The following DPP10 variants were observed in gnomAD, a reference collection of about 807,000 sequenced individuals.
DPP10 encodes the protein inactive dipeptidyl peptidase 10.
DPP10 carries 33 observed loss-of-function variants against 120.9 expected under a neutral mutation model. That is an observed-to-expected ratio of 0.27 (90% CI 0.21 to 0.37). The LOEUF (loss-of-function observed/expected upper bound fraction) is 0.37, where lower values mean the gene tolerates loss of function less well. Ranked by LOEUF, DPP10 falls within the 10% of genes least tolerant of loss-of-function variation. DPP10 has a pLI of 1.00. For synonymous variants in DPP10, 337 were observed against 326.1 expected (o/e 1.03, Z -0.36); for missense variants, 816 against 942.8 (o/e 0.87, Z 1.76).
At chr2:114,900,038 CA>C (rs1248408459) in intron 1 of DPP10, among the ~76,000 whole-genome samples, 1 of 152,162 alleles carries the variant, frequency 6.6e-6, no homozygotes, top group Non-Finnish European at 1.5e-5. Flanking sequence ...TGCTGTATAA[CA>C]ATTGTTTGAA....
intron 1 of DPP10, among the ~76,000 whole-genome samples, chr2:114,839,114 C>T (rs1444449264): frequency 6.6e-5 from 10 of 152,094 alleles, no homozygotes; most frequent in Admixed American, 2.6e-4. Flanking sequence ...CTTTATTTTG[C>T]TGCAATTAAT....
At chr2:115,777,140 A>C in intron 13 of DPP10, 68 bp from the exon 14 acceptor site, 1 of 1,381,738 alleles carries the variant, frequency 7.2e-7, no homozygotes. Flanking sequence ...AGCAGTTGGT[A>C]CATTCGTGTT....
intron 2 of DPP10, among the ~76,000 whole-genome samples, chr2:115,332,900 G>A (rs550258848): frequency 3.8e-4 from 58 of 152,218 alleles, no homozygotes; most frequent in African/African-American, 1.4e-3. Context: ...TGTATATTCT[G>A]TTGATTTGGG....
At chr2:114,471,776 C>A (rs17048405) in intron 1 of DPP10, among the ~76,000 whole-genome samples, 2,214 of 152,170 alleles carry the variant, frequency 0.015, 59 homozygotes, top group African/African-American at 0.05. Context: ...GAGCAGAGTT[C>A]AACAGGTACA....
chr2:115,704,591 T>C (rs1011837058), intron 7 of DPP10, among the ~76,000 whole-genome samples: 2 of 152,044 alleles, frequency 1.3e-5, no homozygotes, highest in South Asian at 2.1e-4. Context: ...GAAAGACTTA[T>C]TGTTATTTCT....
At chr2:115,600,038 G>A (rs185078367) in intron 5 of DPP10, among the ~76,000 whole-genome samples, 34 of 151,972 alleles carry the variant, frequency 2.2e-4, no homozygotes, top group Non-Finnish European at 4.1e-4. Flanking sequence ...TTACCCCAGA[G>A]CGCCGTCACC....
chr2:115,665,992 C>G (rs575390606), intron 5 of DPP10, among the ~76,000 whole-genome samples: 1 of 151,702 alleles, frequency 6.6e-6, no homozygotes, highest in Non-Finnish European at 1.5e-5. Context: ...ATTTCATCAC[C>G]CAGGTAATAA....
At chr2:115,533,824 G>A (rs934756944) in intron 5 of DPP10, among the ~76,000 whole-genome samples, 11 of 151,936 alleles carry the variant, frequency 7.2e-5, no homozygotes, top group African/African-American at 1.5e-4. Context: ...ACCTTTCCTC[G>A]TTTGTAGTTG....
chr2:115,055,548 T>C (rs1296062194), intron 1 of DPP10, among the ~76,000 whole-genome samples: 2 of 152,194 alleles, frequency 1.3e-5, no homozygotes, highest in Non-Finnish European at 2.9e-5. Context: ...CTCAAGTTCA[T>C]AATTTTTATA....
chr2:115,327,808 C>T (rs72840720), intron 2 of DPP10, among the ~76,000 whole-genome samples: 3,460 of 152,048 alleles, frequency 0.023, 64 homozygotes, highest in Non-Finnish European at 0.036. Flanking sequence ...ATATTTTTTA[C>T]TACTTCTGAA....
intron 1 of DPP10, among the ~76,000 whole-genome samples, chr2:114,917,742 C>T (rs1694911107): frequency 6.6e-6 from 1 of 152,142 alleles, no homozygotes; most frequent in Non-Finnish European, 1.5e-5. Context: ...GCTGGTATAA[C>T]TGGCTAGCCA....
chr2:114,648,945 A>G (rs1696357267), intron 1 of DPP10, among the ~76,000 whole-genome samples: 2 of 152,222 alleles, frequency 1.3e-5, no homozygotes, highest in African/African-American at 2.4e-5. Context: ...ATTCCTCTGT[A>G]GACGTGCAAG....
intron 2 of DPP10, among the ~76,000 whole-genome samples, chr2:115,321,904 T>C (rs868113453): frequency 6.6e-5 from 10 of 152,210 alleles, no homozygotes; most frequent in African/African-American, 2.4e-4. Flanking sequence ...TATCTCTTTA[T>C]TGATATTTTC....
At chr2:115,518,518 T>C (rs2077624985) in intron 4 of DPP10, among the ~76,000 whole-genome samples, 1 of 152,122 alleles carries the variant, frequency 6.6e-6, no homozygotes, top group African/African-American at 2.4e-5. Context: ...TTTTACTTAA[T>C]ATTGGACATT....
At chr2:115,837,054 C>T (rs1194219414) in intron 24 of DPP10, among the ~76,000 whole-genome samples, 1 of 152,154 alleles carries the variant, frequency 6.6e-6, no homozygotes, top group African/African-American at 2.4e-5. Flanking sequence ...GACTGAGGAA[C>T]TGAATTGATT....
intron 5 of DPP10, among the ~76,000 whole-genome samples, chr2:115,655,908 G>C (rs1357554392): frequency 6.6e-6 from 1 of 151,440 alleles, no homozygotes; most frequent in Non-Finnish European, 1.5e-5. Flanking sequence ...AAATACCATG[G>C]GAAATAGTCA....
chr2:114,814,494 A>T (rs1325667882), intron 1 of DPP10, among the ~76,000 whole-genome samples: 2 of 152,066 alleles, frequency 1.3e-5, no homozygotes, highest in East Asian at 3.9e-4. Context: ...AAGTATCTGG[A>T]ATTAACTATA....
intron 3 of DPP10, among the ~76,000 whole-genome samples, chr2:115,471,119 A>G (rs902665811): frequency 6.6e-6 from 1 of 152,180 alleles, no homozygotes; most frequent in Non-Finnish European, 1.5e-5. Flanking sequence ...TCTAAAATCC[A>G]TAATTTATTT....
intron 1 of DPP10, among the ~76,000 whole-genome samples, chr2:114,477,967 A>C (rs1190900859): frequency 6.7e-6 from 1 of 148,982 alleles, no homozygotes; most frequent in Non-Finnish European, 1.5e-5. Context: ...GTGTATATGT[A>C]TATATGTGTA....
Sources: gnomAD v4.1 joint callset for allele counts (sites outside exome capture counted in the v4.1 genomes callset) on GRCh38, gnomAD v4.1.1 for gene constraint, MANE v1.5 for transcripts, NCBI Gene and HGNC (gene_info 2026-07-23, HGNC 2026-07-21) for gene names.